The following MANSC4 variants were observed in gnomAD, a reference collection of about 807,000 sequenced individuals.
The protein encoded by MANSC4 is MANSC domain-containing protein 4.
MANSC4 carries 11 observed loss-of-function variants against 11.4 expected under a neutral mutation model. The observed-to-expected ratio is 0.97, with a 90% confidence interval of 0.61 to 1.60. The LOEUF (loss-of-function observed/expected upper bound fraction) is 1.60, where lower values mean the gene tolerates loss of function less well. Ranked by LOEUF, MANSC4 falls within the 40% of genes most tolerant of loss-of-function variation. The pLI is 0.00. For missense variants in MANSC4, 354 were observed against 404.6 expected (o/e 0.88, Z 1.07); for synonymous variants, 123 against 147.1 (o/e 0.84, Z 1.19).
chr12:27,778,951 C>T (rs1056668962), intron 1 of MANSC4, among the ~76,000 whole-genome samples: 13 of 152,342 alleles, frequency 8.5e-5, no homozygotes, highest in African/African-American at 3.1e-4. Context: ...TCACTGCAAC[C>T]TCCGCCTCCC....
At chr12:27,778,034 T>A (rs2062125691) in intron 1 of MANSC4, among the ~76,000 whole-genome samples, 1 of 152,106 alleles carries the variant, frequency 6.6e-6, no homozygotes, top group Non-Finnish European at 1.5e-5. Flanking sequence ...CAGACCAGCC[T>A]GACCAACATG....
chr12:27,767,971 G>A (rs1374516469), intron 2 of MANSC4, among the ~76,000 whole-genome samples: 3 of 152,142 alleles, frequency 2.0e-5, no homozygotes, highest in Admixed American at 6.5e-5. Flanking sequence ...CACATCCAAG[G>A]GAAAGCCTAA....
In MANSC4 at chr12:27,762,740, A is replaced by G. The variant is rs774012399; in HGVS notation, c.1021T>C (p.Ter341GlnextTer1). 4 of 1,518,000 alleles carry G rather than the reference A, an allele frequency of 2.6e-6. No individual in the cohort carries two copies. The highest frequency in any genetic ancestry group is 1.3e-5 in the South Asian group (1 of 78,676). The allele number at this position is 1,518,000 out of a possible 1,614,324, so 94.0% of individuals were successfully genotyped here. ...NRNHMKENSS[*>Q] ...ATATAATCTTGCTACAGTTTTTACT[A>G]TGAAGAGTTCTCCTTCATATGGTTA... Residue 341 changes from the stop codon to glutamine (Q), a stop_lost, in exon 4 of 4, where the codon TAG (stop) becomes CAG (glutamine). Transcript: ENST00000381273.
rs186635820 is a variant in MANSC4, at chr12:27,763,329, A to G, written c.432T>C (p.Asn144=). The G allele has an allele frequency of 1.8e-3, 2,794 of 1,551,786 alleles. 5 individuals are homozygous for G. Among genetic ancestry groups the G allele is most frequent in the Non-Finnish European group, 2.3e-3 (2,644 of 1,147,018 alleles). ...PTYLNTRSSS[N]RWDRLRILKA... is the part of the protein sequence containing the mutation. ...TTAGAATCCTTAGTCTGTCCCATCT[A>G]TTGGATGAAGAACGAGTATTTAGAT... is the stretch of plus-strand genomic sequence containing the variant. The change falls in exon 4 of 4, where the codon AAT becomes AAC. Residue 144 remains asparagine, a synonymous_variant. Transcript: ENST00000381273.
chr12:27,777,983 T>C (rs2062125549), intron 1 of MANSC4, among the ~76,000 whole-genome samples: 2 of 151,950 alleles, frequency 1.3e-5, no homozygotes, highest in Admixed American at 6.6e-5. Context: ...CCCAGCACTT[T>C]GGGAGGCCGA....
At chr12:27,769,486 G>A (rs12372599) in intron 2 of MANSC4, among the ~76,000 whole-genome samples, 24,946 of 152,098 alleles carry the variant, frequency 0.16, 2,540 homozygotes, top group Non-Finnish European at 0.23. Context: ...CAGTATCCCC[G>A]ACAGTCCAAA....
chr12:27,770,160 A>T (rs566170811), intron 2 of MANSC4, among the ~76,000 whole-genome samples: 1 of 151,776 alleles, frequency 6.6e-6, no homozygotes, highest in South Asian at 2.1e-4. Flanking sequence ...AGCACATTTT[A>T]GTTTAGTTGT....
intron 1 of MANSC4, among the ~76,000 whole-genome samples, chr12:27,775,658 T>A (rs886982874): frequency 6.6e-6 from 1 of 152,122 alleles, no homozygotes; most frequent in African/African-American, 2.4e-5. Context: ...CGCCCTGGCC[T>A]CCCAAAGTGC....
chr12:27,771,321 A>G lies in MANSC4; in HGVS notation c.-45T>C. On this transcript the variant is annotated 5_prime_UTR_variant, in exon 2 of 4. Coordinates refer to ENST00000381273, the MANE Select transcript of MANSC4 (RefSeq NM_001146221.5). ...ACTCGAAGATAAGTCTGATTTCCAG[A>G]CAGAAGCTGAACACTGGAGTTTAGG... 6.6e-7 allele frequency: 1 copy of G among 1,504,112 alleles called. No homozygotes were observed. The highest frequency in any genetic ancestry group is 9.0e-7 in the Non-Finnish European group (1 of 1,111,774). 93.2% of individuals were successfully genotyped at this position (1,504,112 alleles called of 1,614,324 possible).
intron 2 of MANSC4, among the ~76,000 whole-genome samples, chr12:27,770,760 G>A (rs1402434740): frequency 1.3e-5 from 2 of 152,110 alleles, no homozygotes; most frequent in African/African-American, 4.8e-5. Flanking sequence ...ATTAACCTTA[G>A]GGGAAATACT....
chr12:27,775,236 C>T (rs1271051007), intron 1 of MANSC4, among the ~76,000 whole-genome samples: 2 of 151,998 alleles, frequency 1.3e-5, no homozygotes, highest in East Asian at 3.9e-4. Context: ...CCATGAGTAA[C>T]TCCATTTTGG....
intron 2 of MANSC4, among the ~76,000 whole-genome samples, chr12:27,768,110 G>A (rs540485519): frequency 1.3e-5 from 2 of 152,128 alleles, no homozygotes; most frequent in African/African-American, 4.8e-5. Flanking sequence ...TTTAAAACAT[G>A]TTCTCTGGCC....
intron 1 of MANSC4, among the ~76,000 whole-genome samples, chr12:27,775,781 T>A (rs1238255439): frequency 6.7e-5 from 10 of 150,076 alleles, no homozygotes; most frequent in East Asian, 1.9e-4. Flanking sequence ...TTTTTTTTTT[T>A]AAACTTTATG....
chr12:27,763,038 TG>T lies in MANSC4; in HGVS notation c.722del (p.Thr241LysfsTer19), dbSNP rs1408276517. 6 of 1,551,608 alleles carry T rather than the reference TG, an allele frequency of 3.9e-6. No homozygotes were observed. In the East Asian group the frequency reaches 7.3e-5, roughly 19 times the overall value. On this transcript the variant is annotated frameshift_variant, in exon 4 of 4. Transcript: ENST00000381273. LOFTEE classifies it low-confidence loss of function (END_TRUNC). ...GTGGAACAGGCATATGAGAAAGTTT[TG>T]TGTCTATGGGTTCAAAGAAAGGAGA... Reference protein sequence around the residue: ...TISPFFEPIDTKLSHMPVPPG... With the variant: ...TISPFFEPIDXKLSHMPVPPG...
intron 3 of MANSC4, among the ~76,000 whole-genome samples, chr12:27,764,228 A>G (rs1430935313): frequency 6.6e-6 from 1 of 152,174 alleles, no homozygotes; most frequent in Non-Finnish European, 1.5e-5. Flanking sequence ...TTGTCTTTAT[A>G]GGAGAAGAGA....
intron 2 of MANSC4, among the ~76,000 whole-genome samples, chr12:27,768,593 A>G (rs2062085051): frequency 6.6e-6 from 1 of 151,386 alleles, no homozygotes; most frequent in Non-Finnish European, 1.5e-5. Flanking sequence ...GCTGCAGTGC[A>G]GTAGAGACCA....
At chr12:27,773,074 G>T (rs1214240227) in intron 1 of MANSC4, among the ~76,000 whole-genome samples, 1 of 152,216 alleles carries the variant, frequency 6.6e-6, no homozygotes, top group African/African-American at 2.4e-5. Flanking sequence ...CAGGCGGGGT[G>T]GCTAATGCCT....
intron 3 of MANSC4, among the ~76,000 whole-genome samples, chr12:27,766,063 A>C (rs1452509808): frequency 6.8e-6 from 1 of 146,142 alleles, no homozygotes; most frequent in African/African-American, 2.5e-5. Flanking sequence ...CCCCTCAGCC[A>C]CCACAGGACC....
intron 1 of MANSC4, among the ~76,000 whole-genome samples, chr12:27,776,843 T>C (rs1476157138): frequency 6.6e-6 from 1 of 152,198 alleles, no homozygotes; most frequent in East Asian, 1.9e-4. Context: ...ACCACAAAAC[T>C]GGTTTTTATT....
Sources: allele counts gnomAD v4.1 joint callset (sites outside exome capture counted in the v4.1 genomes callset), GRCh38; gene constraint gnomAD v4.1.1; transcripts MANE v1.5; gene names NCBI Gene and HGNC (gene_info 2026-07-23, HGNC 2026-07-21).